The following ECSIT variants were observed in gnomAD, a reference collection of about 807,000 sequenced individuals.
ECSIT encodes ECSIT signaling integrator.
In ECSIT, 29 loss-of-function variants were observed where a neutral mutation model predicts 36.8. The ratio of observed to expected loss-of-function variants is 0.79; its 90% CI spans 0.59 to 1.08. The LOEUF (loss-of-function observed/expected upper bound fraction) is 1.08. ECSIT is among the 50% of genes least tolerant of loss of function. The pLI is 0.00. For synonymous variants in ECSIT, 231 were observed against 234.8 expected (o/e 0.98, Z 0.15); for missense variants, 542 against 581.0 (o/e 0.93, Z 0.69).
At chr19:11,520,495 T>C (rs1225177322) in intron 1 of ECSIT, among the ~76,000 whole-genome samples, 2 of 151,486 alleles carry the variant, frequency 1.3e-5, no homozygotes, top group Admixed American at 6.6e-5. Flanking sequence ...TCAAGGTTCA[T>C]GCATAGATTT....
intron 4 of ECSIT, 127 bp from the exon 5 acceptor site, chr19:11,508,175 T>C: frequency 9.1e-7 from 1 of 1,093,042 alleles, no homozygotes. Flanking sequence ...TACACGGCCC[T>C]CCAACCTGTC....
chr19:11,513,629 G>C (rs1971922199), intron 3 of ECSIT, among the ~76,000 whole-genome samples, 175 bp downstream of exon 3: 1 of 144,918 alleles, frequency 6.9e-6, no homozygotes, highest in Admixed American at 6.9e-5. Flanking sequence ...GGGGAGGGGA[G>C]GTCAGAGGGA....
Position 11,506,111 on chromosome 19 carries a change from A to T in ECSIT, c.*73T>A. On this transcript the variant is annotated 3_prime_UTR_variant, in exon 8 of 8. Transcript: ENST00000270517. ...GCAGGAAAACATTGATTTGCTGTAC[A>T]CTCAAAGGGCATCTCATGCCTTCAG... is the stretch of plus-strand genomic sequence containing the variant. The T allele has an allele frequency of 6.4e-7, 1 of 1,566,862 alleles. No homozygotes were observed. Among genetic ancestry groups the T allele is most frequent in the Non-Finnish European group, 8.6e-7 (1 of 1,161,786 alleles).
chr19:11,515,464 T>C (rs1599583170), intron 2 of ECSIT, among the ~76,000 whole-genome samples: 1 of 151,924 alleles, frequency 6.6e-6, no homozygotes, highest in Non-Finnish European at 1.5e-5. Context: ...TCTTTCTTTT[T>C]CTTTTTTTCT....
intron 1 of ECSIT, chr19:11,521,866 T>G: frequency 6.3e-6 from 1 of 159,046 alleles, no homozygotes; most frequent in Non-Finnish European, 1.4e-5. Flanking sequence ...AGGTCAAGAG[T>G]TCAAGACCAA....
At position 11,506,374 on chromosome 19, in the gene ECSIT, G is replaced by T; in HGVS notation, c.1106C>A (p.Thr369Lys). The T allele has an allele frequency of 1.2e-6, 2 of 1,613,644 alleles. No individual in the cohort carries two copies. Among genetic ancestry groups the T allele is most frequent in the Non-Finnish European group, 1.7e-6 (2 of 1,179,906 alleles). ...CAGGCCCTGGATCCACTTAGCCATC[G>T]TCGCCTGGTCATGAGCACCCGCCAT... ...MCMAGAHDQA[T>K]MAKWIQGLQE... Residue 369 changes from threonine to lysine, a missense_variant, in exon 8 of 8, where the codon ACG (threonine) becomes AAG (lysine). Coordinates refer to ENST00000270517, the MANE Select transcript of ECSIT (RefSeq NM_016581.5).
chr19:11,526,004 G>A (rs538979348), intron 1 of ECSIT, among the ~76,000 whole-genome samples: 3 of 151,022 alleles, frequency 2.0e-5, no homozygotes, highest in South Asian at 2.1e-4. Context: ...TTGCTCTGTC[G>A]CCCAGGCTGG....
chr19:11,509,363 G>A (rs1393782487), intron 4 of ECSIT, among the ~76,000 whole-genome samples: 1 of 146,526 alleles, frequency 6.8e-6, no homozygotes, highest in Non-Finnish European at 1.5e-5. Flanking sequence ...ATAAGCCACT[G>A]CGCCCCGCTG....
intron 1 of ECSIT, among the ~76,000 whole-genome samples, chr19:11,521,711 A>T (rs1367757476): frequency 6.6e-6 from 1 of 152,066 alleles, no homozygotes; most frequent in African/African-American, 2.4e-5. Context: ...AGGAGGCAGA[A>T]GCTGCAGTGA....
Position 11,509,505 on chromosome 19 carries a change from T to C in ECSIT, c.739-1457A>G, listed in dbSNP as rs553691943. ...TGAGCAGGCCGGGCGCAGTGGCTCA[T>C]GCCTGTAATCCCAGCACTTTGGGAG... On this transcript the variant is annotated intron_variant, in intron 4 of 7. Transcript: ENST00000270517. 6.7e-4 allele frequency among the ~76,000 whole-genome samples: 102 copies of C among 151,682 alleles called. 3 individuals are homozygous for C. In the South Asian group the frequency reaches 9.8e-3, roughly 15 times the overall value.
At chr19:11,515,788 C>T (rs1159541613) in intron 2 of ECSIT, among the ~76,000 whole-genome samples, 3 of 152,230 alleles carry the variant, frequency 2.0e-5, no homozygotes, top group East Asian at 1.9e-4. Flanking sequence ...CACATGCCAC[C>T]ATGCCCAGTT....
At chr19:11,520,409 T>C (rs889203733) in intron 1 of ECSIT, among the ~76,000 whole-genome samples, 2 of 152,158 alleles carry the variant, frequency 1.3e-5, no homozygotes, top group Non-Finnish European at 2.9e-5. Flanking sequence ...TGACCTCAAG[T>C]GATCCGCCAG....
At chr19:11,525,423 G>A (rs1171183483) in intron 1 of ECSIT, among the ~76,000 whole-genome samples, 2 of 151,832 alleles carry the variant, frequency 1.3e-5, no homozygotes, top group Non-Finnish European at 2.9e-5. Flanking sequence ...TGAGGTGGGA[G>A]GATCACATGA....
rs965746809 is a variant in ECSIT, at chr19:11,523,550, G to A, written c.-23-4357C>T. The A allele has an allele frequency of 6.5e-6, 7 of 1,073,202 alleles. No individual in the cohort carries two copies. The Admixed American group carries it at 1.2e-4, about 18-fold the overall frequency. 66.5% of individuals were successfully genotyped at this position (1,073,202 alleles called of 1,614,324 possible). On this transcript the variant is annotated intron_variant, in intron 1 of 7. Transcript: ENST00000270517. ...CCTAGCACGTGGAATCTGTGAAGCT[G>A]CCAAAGCCTTAGACAAGCGCCAAGC...
chr19:11,513,809 T>C lies in ECSIT; in HGVS notation c.509A>G (p.Asn170Ser). ...CGIAVLEQME[N>S]HGVMPNKETE... is the part of the protein sequence containing the mutation. ...CGCCAGCCTCCTGGCCTCACCGTGG[T>C]TCTCCATCTGCTCCAGGACAGCAAT... The change falls in exon 3 of 8, where the codon AAC becomes AGC. Residue 170 changes from asparagine to serine, a missense_variant. Asn to Ser is a conservative substitution (Grantham distance 46, BLOSUM62 1). Transcript: ENST00000270517. The C allele has an allele frequency of 6.2e-7, 1 of 1,613,960 alleles. No individual in the cohort carries two copies. Among genetic ancestry groups the C allele is most frequent in the South Asian group, 1.1e-5 (1 of 91,084 alleles).
intron 2 of ECSIT, among the ~76,000 whole-genome samples, chr19:11,517,845 T>G (rs1255748830): frequency 6.6e-6 from 1 of 152,124 alleles, no homozygotes; most frequent in Non-Finnish European, 1.5e-5. Flanking sequence ...TTTCGCCATC[T>G]GGTCACTATG....
intron 1 of ECSIT, chr19:11,523,709 G>A (rs1247756422): frequency 4.3e-6 from 3 of 695,348 alleles, no homozygotes; most frequent in Non-Finnish European, 7.9e-6. Context: ...GTAGCGCTCT[G>A]TAAAATTGAG....
chr19:11,506,441 A>C lies in ECSIT; in HGVS notation c.1052-13T>G. The C allele has an allele frequency of 6.2e-7, 1 of 1,607,386 alleles. No homozygotes were observed. Among genetic ancestry groups the C allele is most frequent in the Non-Finnish European group, 8.5e-7 (1 of 1,175,918 alleles). ...GGGCCTTCCTCCACTGTTGGAAGACATGCACCCTTAAGGTTTGCACAGTGG... is the reference window on the plus strand; with the variant it reads ...GGGCCTTCCTCCACTGTTGGAAGACCTGCACCCTTAAGGTTTGCACAGTGG... On this transcript the variant is annotated splice_polypyrimidine_tract_variant and intron_variant, in intron 7 of 7. Transcript: ENST00000270517.
At position 11,507,702 on chromosome 19, in the gene ECSIT, C is replaced by G. The variant is rs1408330245; in HGVS notation, c.945G>C (p.Arg315Ser). 1 of 1,614,126 alleles carries G rather than the reference C, an allele frequency of 6.2e-7. No individual in the cohort carries two copies. The highest frequency in any genetic ancestry group is 8.5e-7 in the Non-Finnish European group (1 of 1,180,038). The change falls in exon 6 of 8, where the codon AGG (arginine) becomes AGC (serine). Residue 315 changes from arginine (R) to serine (S), a missense_variant and splice_region_variant. Arg to Ser is a moderately radical substitution (Grantham distance 110). Transcript: ENST00000270517. ...CACATGCTTTGCTTTAAGCCCTCAC[C>G]CTCTCCTCCGGGGGCAGCAAGTCAG... ...LRADLLPPEE[R>S]EVEETPEEWN...
Sources: allele counts gnomAD v4.1 joint callset (sites outside exome capture counted in the v4.1 genomes callset), GRCh38; gene constraint gnomAD v4.1.1; transcripts MANE v1.5; gene names NCBI Gene and HGNC (gene_info 2026-07-23, HGNC 2026-07-21).